TSHZ3: variants seen among roughly 807,000 people sequenced by gnomAD.
TSHZ3 encodes the protein teashirt zinc finger homeobox 3.
A neutral mutation model predicts 64.5 loss-of-function variants in TSHZ3; 10 were observed. That is an observed-to-expected ratio of 0.16 (90% CI 0.10 to 0.26). The LOEUF is 0.26. TSHZ3 is among the 10% of genes least tolerant of loss of function. TSHZ3 has a pLI of 1.00. For synonymous variants in TSHZ3, 608 were observed against 593.1 expected (o/e 1.03, Z -0.36); for missense variants, 1,242 against 1,421.7 (o/e 0.87, Z 2.03).
chr19:31,154,184 C>T (rs1974273805), intron 6 of TSHZ3, among the ~76,000 whole-genome samples: 1 of 152,172 alleles, frequency 6.6e-6, no homozygotes, highest in East Asian at 1.9e-4. Context: ...CCAGCAGAGC[C>T]CCACCCGTAG....
intron 1 of TSHZ3, 152 bp downstream of exon 1, chr19:31,349,028 C>G (rs2021611300): frequency 1.1e-6 from 1 of 937,604 alleles, no homozygotes. Flanking sequence ...GTACCCGAGG[C>G]GGGCGCACGC....
chr19:31,267,688 C>T (rs1040193192), intron 1 of TSHZ3, among the ~76,000 whole-genome samples: 4 of 152,180 alleles, frequency 2.6e-5, no homozygotes, highest in East Asian at 1.9e-4. Context: ...TGTCCCCACT[C>T]GCCCTTTGGA....
At chr19:31,222,085 C>A (rs2145168545) in intron 4 of TSHZ3, among the ~76,000 whole-genome samples, 1 of 152,316 alleles carries the variant, frequency 6.6e-6, no homozygotes, top group Admixed American at 6.5e-5. Flanking sequence ...AAGCCAGGGT[C>A]TTTACCCTTC....
At chr19:31,220,020 G>A (rs1321625971) in intron 4 of TSHZ3, among the ~76,000 whole-genome samples, 1 of 151,946 alleles carries the variant, frequency 6.6e-6, no homozygotes, top group East Asian at 1.9e-4. Flanking sequence ...AATTAAAGAC[G>A]ATTTCTCCCA....
At chr19:31,234,325 T>C (rs1975579011) in intron 3 of TSHZ3, among the ~76,000 whole-genome samples, 1 of 152,226 alleles carries the variant, frequency 6.6e-6, no homozygotes, top group Non-Finnish European at 1.5e-5. Flanking sequence ...TACATTTTTA[T>C]TTCTTCTTTT....
chr19:31,277,342 G>A lies in TSHZ3; in HGVS notation c.2451C>T (p.Thr817=), dbSNP rs1329882780. 4 of 1,613,836 alleles carry A rather than the reference G, an allele frequency of 2.5e-6. No homozygotes were observed. Among genetic ancestry groups the A allele is most frequent in the Non-Finnish European group, 3.4e-6 (4 of 1,179,790 alleles). Residue 817 remains threonine, a synonymous_variant, in exon 2 of 2, where the codon ACC becomes ACT. Coordinates refer to ENST00000240587, the MANE Select transcript of TSHZ3 (RefSeq NM_020856.4). This position sits in a 1 kb window ranked among gnomAD's most constrained non-coding sequence, Gnocchi z 4.5. ...TTGCCGTTGTCACCGTGGATGAGGA[G>A]GTTGCCGGGGCTGTGGACGTGGGTG... is the stretch of plus-strand genomic sequence containing the variant. The part of the protein sequence containing the change: ...LLSPTSTAPA[T]SSSTVTTAKT...
chr19:31,262,397 T>A (rs1405017775), intron 1 of TSHZ3, among the ~76,000 whole-genome samples: 1 of 152,170 alleles, frequency 6.6e-6, no homozygotes, highest in Non-Finnish European at 1.5e-5. Context: ...GCTGGGTAAA[T>A]GCTACCATTT....
At position 31,241,554 on chromosome 19, in the gene TSHZ3, G is replaced by A. The variant is rs976711134; in HGVS notation, n.550+715C>T. ...TAAGCACTAGGTAATCTCCATGCAC[G>A]TGCAGTCTGGTTCTCAGCCATGGAC... is the stretch of plus-strand genomic sequence containing the variant. On this transcript the variant is annotated intron_variant and non_coding_transcript_variant, in intron 3 of 6. Transcript: ENST00000651361. Among the ~76,000 whole-genome samples, 88 of 152,124 alleles carry A rather than the reference G, an allele frequency of 5.8e-4. 1 individual carries two copies. The highest frequency in any genetic ancestry group is 1.2e-3 in the Non-Finnish European group (84 of 68,028).
intron 1 of TSHZ3, among the ~76,000 whole-genome samples, chr19:31,325,687 A>G (rs1224478229): frequency 6.6e-6 from 1 of 152,200 alleles, no homozygotes; most frequent in Non-Finnish European, 1.5e-5. Flanking sequence ...TGCATCCCAC[A>G]AGGATGTAAG....
At chr19:31,167,222 C>T (rs1005249322) in intron 5 of TSHZ3, among the ~76,000 whole-genome samples, 1 of 152,200 alleles carries the variant, frequency 6.6e-6, no homozygotes. Context: ...CATCTGCTGC[C>T]ACCTGAATGT....
intron 1 of TSHZ3, 38 bp downstream of exon 1, chr19:31,349,142 G>C: frequency 6.5e-7 from 1 of 1,532,952 alleles, no homozygotes; most frequent in African/African-American, 1.4e-5. Flanking sequence ...CGGAGGAAGA[G>C]GAGGAGGAGA....
chr19:31,233,908 G>T (rs1975573084), intron 3 of TSHZ3, among the ~76,000 whole-genome samples: 2 of 142,660 alleles, frequency 1.4e-5, no homozygotes, highest in Admixed American at 7.2e-5. Flanking sequence ...TTTCAGATCA[G>T]TTTAGGGTAA....
intron 3 of TSHZ3, among the ~76,000 whole-genome samples, chr19:31,238,466 G>A (rs1011421683): frequency 6.6e-6 from 1 of 152,106 alleles, no homozygotes; most frequent in African/African-American, 2.4e-5. Context: ...ATGTTGGCCA[G>A]GCTGGTCTTG....
downstream of TSHZ3, among the ~76,000 whole-genome samples, chr19:31,272,826 C>A (rs559515004): frequency 6.6e-6 from 1 of 152,124 alleles, no homozygotes; most frequent in African/African-American, 2.4e-5. Flanking sequence ...TGCAGCAAGC[C>A]GGGGCTTGGG....
intron 6 of TSHZ3, among the ~76,000 whole-genome samples, chr19:31,155,285 G>T (rs994104620): frequency 6.6e-6 from 1 of 152,188 alleles, no homozygotes; most frequent in African/African-American, 2.4e-5. Flanking sequence ...TCTCTTACTT[G>T]CCTTAGATAA....
chr19:31,342,426 A>G (rs931787243), intron 1 of TSHZ3, among the ~76,000 whole-genome samples: 2 of 152,236 alleles, frequency 1.3e-5, no homozygotes, highest in African/African-American at 4.8e-5. Context: ...TAAATCTTTA[A>G]AAGGTGCTGG....
intron 4 of TSHZ3, among the ~76,000 whole-genome samples, chr19:31,215,494 T>C (rs1975314221): frequency 1.3e-5 from 2 of 152,156 alleles, no homozygotes; most frequent in Admixed American, 1.3e-4. Flanking sequence ...TTTAAAAAAC[T>C]AAAACTCTGA....
intron 1 of TSHZ3, among the ~76,000 whole-genome samples, chr19:31,304,103 T>G (rs1292874819): frequency 6.6e-6 from 1 of 152,038 alleles, no homozygotes; most frequent in African/African-American, 2.4e-5. Flanking sequence ...GCCTCCTGAG[T>G]AGCTGGGATT....
At chr19:31,159,008 T>C (rs1172781734) in intron 5 of TSHZ3, among the ~76,000 whole-genome samples, 4 of 152,168 alleles carry the variant, frequency 2.6e-5, no homozygotes, top group African/African-American at 9.7e-5. Flanking sequence ...TTTGTTTGTT[T>C]GTTTGTTTTG....
Sources: gnomAD v4.1 joint callset for allele counts (sites outside exome capture counted in the v4.1 genomes callset) on GRCh38, gnomAD v4.1.1 for gene constraint, Gnocchi (gnomAD v3.1) non-coding constraint, MANE v1.5 for transcripts, NCBI Gene and HGNC (gene_info 2026-07-23, HGNC 2026-07-21) for gene names.